NTRK1: variants seen among roughly 807,000 people sequenced by gnomAD.
NTRK1 encodes the protein high affinity nerve growth factor receptor.
Under a neutral mutation model 86.8 loss-of-function variants are expected in NTRK1, and 62 were observed. The observed-to-expected ratio is 0.71, with a 90% CI of 0.58 to 0.88. NTRK1 has a LOEUF of 0.88. Ranked by LOEUF, NTRK1 falls within the 40% of genes least tolerant of loss-of-function variation. The pLI is 0.00. For missense variants in NTRK1, 967 were observed against 1,078.4 expected (o/e 0.90, Z 1.45); for synonymous variants, 469 against 456.6 (o/e 1.03, Z -0.35).
intron 14 of NTRK1, among the ~76,000 whole-genome samples, chr1:156,878,907 A>ACC (rs760502538): frequency 3.9e-5 from 6 of 152,050 alleles, no homozygotes; most frequent in Non-Finnish European, 8.8e-5. Flanking sequence ...TGTGGGAACC[A>ACC]TGGGCTGTCT....
intron 1 of NTRK1, chr1:156,840,664 C>T (rs1654739223): frequency 1.7e-6 from 1 of 597,542 alleles, no homozygotes. Context: ...CCTGCTTGCT[C>T]TCCCCCGAGG....
At chr1:156,873,980 C>A (rs752113335) in intron 8 of NTRK1, 21 bp downstream of exon 8, 1 of 1,549,906 alleles carries the variant, frequency 6.5e-7, no homozygotes, top group Non-Finnish European at 8.7e-7. Context: ...CATCCTGAAC[C>A]CTGCCCCCAC....
Position 156,866,893 on chromosome 1 carries a change from T to G in NTRK1, c.360-17T>G. 6.2e-7 allele frequency: 1 copy of G among 1,614,030 alleles called. No individual in the cohort carries two copies. ...GTCACTCAAGGGGTCTGTCTTGCTG[T>G]GTCTCCACGCCCGCAGGAATCTCTC... On this transcript the variant is annotated splice_polypyrimidine_tract_variant and intron_variant, in intron 3 of 16. Coordinates refer to ENST00000524377, the MANE Select transcript of NTRK1 (RefSeq NM_002529.4).
At chr1:156,830,538 G>A (rs1003516638) in intron 1 of NTRK1, among the ~76,000 whole-genome samples, 3 of 147,716 alleles carry the variant, frequency 2.0e-5, no homozygotes, top group Non-Finnish European at 4.5e-5. Flanking sequence ...CTAGAAGAGA[G>A]GTTGTGGGAT....
At chr1:156,844,176 T>C in intron 2 of NTRK1, 1 of 1,611,930 alleles carries the variant, frequency 6.2e-7, no homozygotes, top group Non-Finnish European at 8.5e-7. Context: ...TATCATCACC[T>C]CTTCTTGCCG....
intron 2 of NTRK1, chr1:156,846,003 G>A: frequency 6.2e-7 from 1 of 1,614,128 alleles, no homozygotes; most frequent in African/African-American, 1.3e-5. Flanking sequence ...GCCAGCCGCT[G>A]CCACAGCACC....
chr1:156,845,905 C>A, intron 2 of NTRK1: 1 of 1,600,098 alleles, frequency 6.2e-7, no homozygotes, highest in East Asian at 2.3e-5. Context: ...CTCCATCTCC[C>A]CTTCCCCACC....
intron 8 of NTRK1, 143 bp downstream of exon 8, chr1:156,874,102 C>A (rs2102907317): frequency 1.1e-6 from 1 of 944,526 alleles, no homozygotes; most frequent in Non-Finnish European, 1.6e-6. Context: ...TCCCGCTGTT[C>A]TGGCCTCCTT....
intron 6 of NTRK1, among the ~76,000 whole-genome samples, chr1:156,870,774 T>C (rs913633041): frequency 6.6e-6 from 1 of 152,234 alleles, no homozygotes; most frequent in Non-Finnish European, 1.5e-5. Context: ...AGATAATTTG[T>C]CCACCTCTTC....
chr1:156,820,690 T>C (rs1308632783), intron 1 of NTRK1, among the ~76,000 whole-genome samples: 1 of 152,258 alleles, frequency 6.6e-6, no homozygotes, highest in East Asian at 1.9e-4. Flanking sequence ...ACTATAGCCT[T>C]GTAGTTTAAT....
chr1:156,851,629 C>G (rs1429427605), intron 2 of NTRK1: 1 of 1,613,896 alleles, frequency 6.2e-7, no homozygotes, highest in Non-Finnish European at 8.5e-7. Context: ...GGGTGTGGCC[C>G]CAAAGTAGGT....
At chr1:156,820,645 G>A (rs1654159687) in intron 1 of NTRK1, among the ~76,000 whole-genome samples, 1 of 152,176 alleles carries the variant, frequency 6.6e-6, no homozygotes, top group Admixed American at 6.5e-5. Flanking sequence ...TGGTCTACAT[G>A]CCTATTTTTA....
At chr1:156,838,285 T>C (rs1477498534) in intron 1 of NTRK1, among the ~76,000 whole-genome samples, 1 of 151,910 alleles carries the variant, frequency 6.6e-6, no homozygotes, top group Non-Finnish European at 1.5e-5. Context: ...GTGGAAGACC[T>C]GCCACAAGGC....
At chr1:156,821,425 AC>A (rs896983489) in intron 1 of NTRK1, among the ~76,000 whole-genome samples, 2 of 142,418 alleles carry the variant, frequency 1.4e-5, no homozygotes, top group African/African-American at 5.3e-5. Context: ...TGCTACGGGA[AC>A]CCCCCTCAGA....
At chr1:156,825,597 AC>A (rs1159262361) in intron 1 of NTRK1, among the ~76,000 whole-genome samples, 17 of 152,282 alleles carry the variant, frequency 1.1e-4, no homozygotes, top group Admixed American at 4.6e-4. Context: ...CCCCATCATT[AC>A]CTTGTATATT....
At chr1:156,881,398 C>A (rs1648247879) in intron 16 of NTRK1, 59 bp from the exon 17 acceptor site, 2 of 1,524,370 alleles carry the variant, frequency 1.3e-6, no homozygotes, top group Non-Finnish European at 1.8e-6. Flanking sequence ...CTGGGACTGG[C>A]CTCACTCTCT....
At chr1:156,841,414 C>T in intron 1 of NTRK1, 1 of 1,613,872 alleles carries the variant, frequency 6.2e-7, no homozygotes, top group Non-Finnish European at 8.5e-7. Flanking sequence ...GACAGCCCTC[C>T]AGCTCCTCCA....
intron 2 of NTRK1, chr1:156,851,445 G>C (rs752509475): frequency 9.9e-6 from 16 of 1,614,144 alleles, no homozygotes; most frequent in Non-Finnish European, 1.3e-5. Flanking sequence ...CTAGGGATGG[G>C]AAGACAGGGC....
chr1:156,841,916 A>G, intron 1 of NTRK1: 2 of 1,575,188 alleles, frequency 1.3e-6, no homozygotes, highest in South Asian at 2.2e-5. Flanking sequence ...CCTGGAAAGT[A>G]GGGGCTCAAT....
Sources: gnomAD v4.1 joint callset for allele counts (sites outside exome capture counted in the v4.1 genomes callset) on GRCh38, gnomAD v4.1.1 for gene constraint, MANE v1.5 for transcripts, NCBI Gene and HGNC (gene_info 2026-07-23, HGNC 2026-07-21) for gene names.